DDR1: variants seen among roughly 807,000 people sequenced by gnomAD.
The protein encoded by DDR1 is epithelial discoidin domain-containing receptor 1.
A neutral mutation model predicts 97.4 loss-of-function variants in DDR1; 64 were observed. The observed-to-expected ratio is 0.66, with a 90% CI of 0.54 to 0.81. The LOEUF (loss-of-function observed/expected upper bound fraction) is 0.81, where lower values mean the gene tolerates loss of function less well. Ranked by LOEUF, DDR1 falls within the 30% of genes least tolerant of loss-of-function variation. The pLI is 0.00. For missense variants in DDR1, 990 were observed against 1,259.6 expected, an observed-to-expected ratio of 0.79 and a Z score of 3.24; for synonymous variants, 458 against 503.7, an observed-to-expected ratio of 0.91 and a Z score of 1.21.
intron 1 of DDR1, chr6:30,885,702 C>T: frequency 7.6e-7 from 1 of 1,308,060 alleles, no homozygotes; most frequent in Non-Finnish European, 1.0e-6. Flanking sequence ...TTGATGTATG[C>T]ATGAGCTTCT....
Position 30,893,367 on chromosome 6 carries a change from C to A in DDR1, c.1291C>A (p.Leu431Met). Residue 431 changes from leucine to methionine, a missense_variant, in exon 10 of 18, where the codon CTG (leucine) becomes ATG (methionine). Transcript: ENST00000376568. ...GCLVAIILLLLLIIALMLWRL... is the reference protein window; with the variant it reads ...GCLVAIILLLMLIIALMLWRL... ...CCTGGTGGCCATCATCCTGCTCCTG[C>A]TGCTCATCATTGCCCTCATGCTCTG... The A allele has an allele frequency of 2.5e-6, 4 of 1,608,216 alleles. No homozygotes were observed. Among genetic ancestry groups the A allele is most frequent in the Non-Finnish European group, 3.4e-6 (4 of 1,179,854 alleles).
At chr6:30,895,627 C>G in intron 12 of DDR1, 113 bp downstream of exon 12, 1 of 630,738 alleles carries the variant, frequency 1.6e-6, no homozygotes, top group East Asian at 3.0e-5. Flanking sequence ...ATTCTGCTCT[C>G]CTGAGCTCCC....
intron 1 of DDR1, chr6:30,885,425 G>A (rs1161580614): frequency 1.2e-6 from 1 of 841,346 alleles, no homozygotes; most frequent in Non-Finnish European, 1.8e-6. Context: ...GGGAAAGGCT[G>A]TTGTCCTTAT....
Position 30,897,492 on chromosome 6 carries a change from T to C in DDR1, c.2111T>C (p.Met704Thr). The stretch of plus-strand genomic sequence containing the variant: ...CCCCTCTGCATGATTACTGACTACA[T>C]GGAGAACGGCGACCTCAACCAGTTC... ...DDPLCMITDY[M>T]ENGDLNQFLS... The change falls in exon 15 of 18, where the codon ATG becomes ACG. Residue 704 changes from methionine (M) to threonine (T), a missense_variant. Coordinates refer to ENST00000376568, the MANE Select transcript of DDR1 (RefSeq NM_001297654.2). This position sits in a 1 kb window ranked among gnomAD's most constrained non-coding sequence, Gnocchi z 5.2. 6.2e-7 allele frequency: 1 copy of C among 1,614,078 alleles called. No individual in the cohort carries two copies.
In DDR1 at chr6:30,890,902, G is replaced by A; in HGVS notation, c.418-71G>A. 2 of 1,498,754 alleles carry A rather than the reference G, an allele frequency of 1.3e-6. No homozygotes were observed. The highest frequency in any genetic ancestry group is 1.8e-6 in the Non-Finnish European group (2 of 1,119,988). The allele number at this position is 1,498,754 out of a possible 1,614,324, so 92.8% of individuals were successfully genotyped here. On this transcript the variant is annotated intron_variant, in intron 4 of 17. Transcript: ENST00000376568. This position sits in a 1 kb window ranked among gnomAD's most constrained non-coding sequence, Gnocchi z 5.0. ...TGGCCACTGTGGGCTGGGCCAGGGA[G>A]CAGCTGGTGGGTGGGAAGTAAGATC...
chr6:30,892,099 T>C lies in DDR1; in HGVS notation c.763T>C (p.Tyr255His). ...GCTGCGGGTCTGGCCAGGCTATGAC[T>C]ATGTGGGATGGAGCAACCACAGCTT... ...QELRVWPGYD[Y>H]VGWSNHSFSS... Residue 255 changes from tyrosine to histidine, a missense_variant, in exon 7 of 18, where the codon TAT becomes CAT. Physicochemically the swap from Tyr to His is moderately conservative, Grantham distance 83. Coordinates refer to ENST00000376568, the MANE Select transcript of DDR1 (RefSeq NM_001297654.2). The C allele has an allele frequency of 1.9e-6, 3 of 1,614,138 alleles. No individual in the cohort carries two copies. The highest frequency in any genetic ancestry group is 2.5e-6 in the Non-Finnish European group (3 of 1,180,020).
chr6:30,895,547 T>TCC (rs760184269), intron 12 of DDR1, 33 bp downstream of exon 12: 1 of 1,365,424 alleles, frequency 7.3e-7, no homozygotes, highest in Non-Finnish European at 1.0e-6. Context: ...TCCGCCAGGC[T>TCC]CCCCATACCT....
chr6:30,885,157 C>G, intron 1 of DDR1: 1 of 1,518,212 alleles, frequency 6.6e-7, no homozygotes, highest in Non-Finnish European at 8.8e-7. Context: ...GGGACTGCCA[C>G]TCTAACCCAC....
chr6:30,899,045 TGGA>T lies in DDR1; in HGVS notation c.2601+13_2601+15del, dbSNP rs1050636207. 3.7e-6 allele frequency: 6 copies of T among 1,612,296 alleles called. No individual in the cohort carries two copies. The African/African-American group carries it at 8.1e-5, about 22-fold the overall frequency. ...CGGGACCAGGGCCGGCAGGTCAGAG[TGGA>T]GGAGAGGGAAGATGGGTCCGAGGCG... is the stretch of plus-strand genomic sequence containing the variant. On this transcript the variant is annotated intron_variant, in intron 17 of 17. Transcript: ENST00000376568.
In DDR1 at chr6:30,889,627, A is replaced by G. The variant is rs887389725; in HGVS notation, c.417+197A>G. On this transcript the variant is annotated intron_variant, in intron 4 of 17. Transcript: ENST00000376568. This position sits in a 1 kb window ranked among gnomAD's most constrained non-coding sequence, Gnocchi z 4.9. Reference sequence around the variant, plus strand: ...CTTAGATGTCTTTTTTTTTTTTTCTAATAGATGGGGTCTTGCTGTGTTGCC... The same window carrying G: ...CTTAGATGTCTTTTTTTTTTTTTCTGATAGATGGGGTCTTGCTGTGTTGCC... Among the ~76,000 whole-genome samples the G allele has an allele frequency of 2.0e-5, 3 of 149,198 alleles. No homozygotes were observed. Among genetic ancestry groups the G allele is most frequent in the Non-Finnish European group, 4.5e-5 (3 of 67,340 alleles).
In DDR1 at chr6:30,897,448, C is replaced by T. The variant is rs1414911729; in HGVS notation, c.2067C>T (p.Gly689=). 7.4e-6 allele frequency: 12 copies of T among 1,613,934 alleles called. No homozygotes were observed. The highest frequency in any genetic ancestry group is 2.7e-5 in the African/African-American group (2 of 74,874). ...ACCCAAACATCATTCGGCTGCTGGGCGTGTGTGTGCAGGACGACCCCCTCT... is the reference window on the plus strand; with the variant it reads ...ACCCAAACATCATTCGGCTGCTGGGTGTGTGTGTGCAGGACGACCCCCTCT... ...LKDPNIIRLL[G]VCVQDDPLCM... Residue 689 remains glycine, a synonymous_variant, in exon 15 of 18, where the codon GGC becomes GGT. Coordinates refer to ENST00000376568, the MANE Select transcript of DDR1 (RefSeq NM_001297654.2). This position sits in a 1 kb window ranked among gnomAD's most constrained non-coding sequence, Gnocchi z 5.2.
intron 8 of DDR1, 97 bp downstream of exon 8, chr6:30,892,639 A>G (rs934471345): frequency 6.9e-7 from 1 of 1,455,792 alleles, no homozygotes; most frequent in South Asian, 1.4e-5. Flanking sequence ...TCCTTGCATT[A>G]TATCTACCCA....
chr6:30,892,710 T>G (rs1788984633), intron 8 of DDR1, 168 bp downstream of exon 8: 1 of 858,632 alleles, frequency 1.2e-6, no homozygotes, highest in African/African-American at 1.7e-5. Context: ...TTTCTGCCTC[T>G]TGTTCTCTGC....
At position 30,899,020 on chromosome 6, in the gene DDR1, C is replaced by T. The variant is rs757977513; in HGVS notation, c.2584C>T (p.Arg862Trp). Reference protein sequence around the residue: ...QVIENAGEFFRDQGRQVYLSR... With the variant: ...QVIENAGEFFWDQGRQVYLSR... ...CATCGAGAACGCGGGGGAGTTCTTC[C>T]GGGACCAGGGCCGGCAGGTCAGAGT... The change falls in exon 17 of 18, where the codon CGG becomes TGG. Residue 862 changes from arginine to tryptophan, a missense_variant. Physicochemically the swap from Arg to Trp is moderately radical, Grantham distance 101 (BLOSUM62 -3). Transcript: ENST00000376568. 2.5e-5 allele frequency: 40 copies of T among 1,613,952 alleles called. No homozygotes were observed. Among genetic ancestry groups the T allele is most frequent in the South Asian group, 4.4e-5 (4 of 91,078 alleles).
At position 30,894,663 on chromosome 6, in the gene DDR1, A is replaced by T; in HGVS notation, c.1505A>T (p.Asn502Ile). ...CCCCACTCCGCTCCCTGTGTCCCCA[A>T]TGGCTCTGGTAAGACCTGCCTTGTT... ...NPPHSAPCVP[N>I]GSALLLSNPA... Residue 502 changes from asparagine to isoleucine, a missense_variant, in exon 11 of 18, where the codon AAT (asparagine) becomes ATT (isoleucine). Coordinates refer to ENST00000376568, the MANE Select transcript of DDR1 (RefSeq NM_001297654.2). The surrounding 1 kb of genome is among the most constrained non-coding windows in gnomAD (Gnocchi z 5.7). 1 of 1,603,016 alleles carries T rather than the reference A, an allele frequency of 6.2e-7. No homozygotes were observed. Among genetic ancestry groups the T allele is most frequent in the South Asian group, 1.1e-5 (1 of 89,492 alleles).
intron 12 of DDR1, among the ~76,000 whole-genome samples, chr6:30,895,791 C>A (rs367690367): frequency 1.3e-5 from 2 of 152,208 alleles, no homozygotes; most frequent in African/African-American, 4.8e-5. Flanking sequence ...CAGAGCTAGA[C>A]AGGAGGTTGC....
At chr6:30,885,455 C>T (rs574141571) in intron 1 of DDR1, 3 of 858,252 alleles carry the variant, frequency 3.5e-6, no homozygotes, top group African/African-American at 3.4e-5. Flanking sequence ...TCCCACCCAG[C>T]GCCCACCTGT....
chr6:30,898,739 G>T, intron 16 of DDR1, 149 bp from the exon 17 acceptor site: 1 of 809,040 alleles, frequency 1.2e-6, no homozygotes, highest in South Asian at 1.7e-5. Context: ...TGGAAAAGGT[G>T]GCCAGCGGAG....
Position 30,889,244 on chromosome 6 carries a change from G to T in DDR1, c.231G>T (p.Gly77=). 2 of 1,613,082 alleles carry T rather than the reference G, an allele frequency of 1.2e-6. No individual in the cohort carries two copies. The highest frequency in any genetic ancestry group is 1.7e-6 in the Non-Finnish European group (2 of 1,180,030). Residue 77 remains glycine, a synonymous_variant, in exon 4 of 18, where the codon GGG becomes GGT. Transcript: ENST00000376568. The surrounding 1 kb of genome is among the most constrained non-coding windows in gnomAD (Gnocchi z 4.9). The part of the protein sequence containing the change: ...SDGDGAWCPA[G]SVFPKEEEYL... ...GGGATGGGGCCTGGTGCCCCGCAGG[G>T]TCGGTGTTTCCCAAGGAGGAGGAGT...
Sources: gnomAD v4.1 joint callset for allele counts (sites outside exome capture counted in the v4.1 genomes callset) on GRCh38, gnomAD v4.1.1 for gene constraint, Gnocchi (gnomAD v3.1) non-coding constraint, MANE v1.5 for transcripts, NCBI Gene and HGNC (gene_info 2026-07-23, HGNC 2026-07-21) for gene names.